Variants in SYNPO observed in about 807,000 individuals in gnomAD.
The protein encoded by SYNPO is synaptopodin.
In SYNPO, 19 loss-of-function variants were observed where a neutral mutation model predicts 49.5. That is an observed-to-expected ratio of 0.38 (90% CI 0.27 to 0.56). SYNPO has a LOEUF of 0.56. SYNPO is among the 20% of genes least tolerant of loss of function. The pLI is 0.68. For synonymous variants in SYNPO, 536 were observed against 548.0 expected (o/e 0.98, Z 0.31); for missense variants, 1,131 against 1,248.3 (o/e 0.91, Z 1.42).
rs148505175 is a variant in SYNPO, at chr5:150,649,101, A to G, written c.826A>G (p.Ser276Gly). Residue 276 changes from serine (S) to glycine (G), a missense_variant, in exon 2 of 3, where the codon AGT (serine) becomes GGT (glycine). Transcript: ENST00000307662. Reference sequence around the variant, plus strand: ...GAAGGCCCCGGCTCCCCAGCCCCCCAGTTTGCCAGACAGGAGCCCCCGGCC... The same window carrying G: ...GAAGGCCCCGGCTCCCCAGCCCCCCGGTTTGCCAGACAGGAGCCCCCGGCC... ...GEKAPAPQPP[S>G]LPDRSPRPQR... The G allele has an allele frequency of 1.8e-4, 294 of 1,613,750 alleles. No homozygotes were observed. The African/African-American group carries it at 3.4e-3, about 19-fold the overall frequency.
intron 2 of SYNPO, among the ~76,000 whole-genome samples, chr5:150,619,369 C>T (rs11745855): frequency 6.6e-6 from 1 of 152,174 alleles, no homozygotes; most frequent in African/African-American, 2.4e-5. Flanking sequence ...CGTTCCTCGC[C>T]TAGGCCTTGG....
chr5:150,649,146 C>G lies in SYNPO; in HGVS notation c.871C>G (p.Arg291Gly), dbSNP rs746113929. 1 of 1,613,958 alleles carries G rather than the reference C, an allele frequency of 6.2e-7. No individual in the cohort carries two copies. The highest frequency in any genetic ancestry group is 8.5e-7 in the Non-Finnish European group (1 of 1,180,006). Residue 291 changes from arginine (R) to glycine (G), a missense_variant, in exon 2 of 3, where the codon CGC (arginine) becomes GGC (glycine). Physicochemically the swap from Arg to Gly is moderately radical, Grantham distance 125. Around this residue, in one of 4 missense-constraint regions of SYNPO, gnomAD observed 602 missense variants for 720.7 expected, o/e 0.84. Transcript: ENST00000307662. ...SPRPQRHIMS[R>G]SPMVERRMMG... ...CCGGCCACAGAGACACATAATGTCC[C>G]GCAGCCCCATGGTGGAAAGGAGGAT...
intron 2 of SYNPO, among the ~76,000 whole-genome samples, chr5:150,629,687 A>G (rs1048907660): frequency 2.0e-5 from 3 of 152,202 alleles, no homozygotes; most frequent in Non-Finnish European, 2.9e-5. Flanking sequence ...TGCTTGAAAG[A>G]TAAAAGCCAC....
chr5:150,589,681 C>G, the SYNPO span, among the ~76,000 whole-genome samples: 1 of 152,172 alleles, frequency 6.6e-6, no homozygotes, highest in Non-Finnish European at 1.5e-5. Flanking sequence ...ATGACAGGCC[C>G]CCGTGGTCTG....
At chr5:150,636,051 A>T (rs370436987), upstream of SYNPO, among the ~76,000 whole-genome samples, 1 of 152,040 alleles carries the variant, frequency 6.6e-6, no homozygotes, top group African/African-American at 2.4e-5. Context: ...TTACCATCTG[A>T]CTTACTTGTG....
intron 2 of SYNPO, chr5:150,654,004 C>A (rs1212171604): frequency 6.6e-6 from 1 of 152,122 alleles, no homozygotes; most frequent in African/African-American, 2.4e-5. Context: ...ATAAAACATA[C>A]AATTGGTGTC....
intron 2 of SYNPO, chr5:150,625,035 G>T (rs1193558492): frequency 2.1e-6 from 2 of 940,758 alleles, no homozygotes; most frequent in Non-Finnish European, 2.5e-6. Flanking sequence ...CGCACGCGGG[G>T]TGACCTTGGC....
intron 2 of SYNPO, among the ~76,000 whole-genome samples, chr5:150,629,128 C>T (rs1297034108): frequency 1.3e-5 from 2 of 151,962 alleles, no homozygotes; most frequent in African/African-American, 4.8e-5. Flanking sequence ...AAGTGATCCT[C>T]CCACCTCCTA....
intron 1 of SYNPO, among the ~76,000 whole-genome samples, chr5:150,645,175 A>C (rs1341620102): frequency 1.3e-5 from 2 of 152,206 alleles, no homozygotes; most frequent in African/African-American, 4.8e-5. Context: ...CTCCTCTGTC[A>C]GAATTCTTCC....
intron 2 of SYNPO, among the ~76,000 whole-genome samples, chr5:150,627,584 A>AT (rs1458335819): frequency 6.6e-6 from 1 of 152,188 alleles, no homozygotes; most frequent in Admixed American, 6.5e-5. Context: ...CATCAAGATA[A>AT]TTTCAGATAG....
chr5:150,647,837 C>A lies in SYNPO; in HGVS notation c.-332-107C>A, dbSNP rs560044701. On this transcript the variant is annotated intron_variant, in intron 1 of 2. Transcript: ENST00000307662. Reference sequence around the variant, plus strand: ...GTGACGATTAAATTCCAGAAGAGATCCTGTGTAGGAAGGGCCGAGGCGACC... The same window carrying A: ...GTGACGATTAAATTCCAGAAGAGATACTGTGTAGGAAGGGCCGAGGCGACC... 107 of 985,284 alleles carry A rather than the reference C, an allele frequency of 1.1e-4. No individual in the cohort carries two copies. In the African/African-American group the frequency reaches 1.7e-3, roughly 15 times the overall value. The allele number at this position is 985,284 out of a possible 1,614,324, so 61.0% of individuals were successfully genotyped here.
chr5:150,656,950 G>A lies in SYNPO; in HGVS notation c.2575G>A (p.Asp859Asn). ...CTACCGCCGCTCGCCCACGGACTCC[G>A]ACGTGTCCCTCGACTCCGAGGACTC... ...FLYRRSPTDS[D>N]VSLDSEDSGA... Residue 859 changes from aspartate (D) to asparagine (N), a missense_variant, in exon 3 of 3, where the codon GAC (aspartate) becomes AAC (asparagine). Asp to Asn is a conservative substitution (Grantham distance 23). Around this residue, in one of 4 missense-constraint regions of SYNPO, gnomAD observed 509 missense variants for 484.5 expected, o/e 1.05. Transcript: ENST00000307662. The A allele has an allele frequency of 6.3e-7, 1 of 1,585,484 alleles. No homozygotes were observed. Among genetic ancestry groups the A allele is most frequent in the Non-Finnish European group, 8.6e-7 (1 of 1,166,778 alleles).
upstream of SYNPO, among the ~76,000 whole-genome samples, chr5:150,638,383 G>A (rs891338426): frequency 6.6e-6 from 1 of 152,054 alleles, no homozygotes; most frequent in Non-Finnish European, 1.5e-5. Flanking sequence ...CCCACTCCCA[G>A]GAACCACCCT....
intron 1 of SYNPO, among the ~76,000 whole-genome samples, chr5:150,606,648 G>A (rs2151340686): frequency 6.6e-6 from 1 of 152,326 alleles, no homozygotes. Context: ...ACATGATTTT[G>A]CCTTTTCTCA....
Position 150,640,822 on chromosome 5 carries a change from G to C in SYNPO, c.-365G>C. Reference sequence around the variant, plus strand: ...CTTGAAGGCCGGCAGGAGCATCCAGGGGGAAGCTTGGCTTCAGGGAGGACC... The same window carrying C: ...CTTGAAGGCCGGCAGGAGCATCCAGCGGGAAGCTTGGCTTCAGGGAGGACC... On this transcript the variant is annotated 5_prime_UTR_variant, in exon 1 of 3. Coordinates refer to ENST00000307662, the MANE Select transcript of SYNPO (RefSeq NM_007286.6). 3 of 985,624 alleles carry C rather than the reference G, an allele frequency of 3.0e-6. No individual in the cohort carries two copies. Among genetic ancestry groups the C allele is most frequent in the Non-Finnish European group, 3.6e-6 (3 of 829,970 alleles). The allele number at this position is 985,624 out of a possible 1,614,324, so 61.1% of individuals were successfully genotyped here.
At chr5:150,655,933 G>T (rs1758535711) in intron 2 of SYNPO, among the ~76,000 whole-genome samples, 1 of 152,210 alleles carries the variant, frequency 6.6e-6, no homozygotes, top group South Asian at 2.1e-4. Context: ...CTACAGGCGC[G>T]GGCCACCGCG....
chr5:150,621,485 C>T (rs573621924), intron 2 of SYNPO, among the ~76,000 whole-genome samples: 2 of 152,306 alleles, frequency 1.3e-5, no homozygotes, highest in South Asian at 2.1e-4. Context: ...GCTAGAGTTC[C>T]TTCTCCCTTC....
intron 2 of SYNPO, among the ~76,000 whole-genome samples, chr5:150,620,390 T>C (rs1457741072): frequency 6.6e-6 from 1 of 152,242 alleles, no homozygotes; most frequent in Non-Finnish European, 1.5e-5. Flanking sequence ...TTTCATTTCA[T>C]TTAACCTCGT....
chr5:150,608,760 G>A (rs893775493), intron 1 of SYNPO, among the ~76,000 whole-genome samples: 1 of 152,134 alleles, frequency 6.6e-6, no homozygotes, highest in Non-Finnish European at 1.5e-5. Flanking sequence ...CAGAAGCTGT[G>A]ATTTAATTTG....
Sources: gnomAD v4.1 joint callset for allele counts (sites outside exome capture counted in the v4.1 genomes callset) on GRCh38, gnomAD v4.1.1 for gene constraint, gnomAD v4.1.1 regional missense constraint, MANE v1.5 for transcripts, NCBI Gene and HGNC (gene_info 2026-07-23, HGNC 2026-07-21) for gene names.